The following MLXIPL variants were observed in gnomAD, a reference collection of about 807,000 sequenced individuals.
MLXIPL encodes MLX interacting protein like, also known as carbohydrate-responsive element-binding protein.
Under a neutral mutation model 81.5 loss-of-function variants are expected in MLXIPL, and 49 were observed. That is an observed-to-expected ratio of 0.60 (90% CI 0.48 to 0.76). The LOEUF (loss-of-function observed/expected upper bound fraction) is 0.76. MLXIPL is among the 30% of genes least tolerant of loss of function. The pLI is 0.00. For missense variants in MLXIPL, 1,053 were observed against 1,167.0 expected (o/e 0.90, Z 1.42); for synonymous variants, 466 against 485.5 (o/e 0.96, Z 0.53).
intron 14 of MLXIPL, 36 bp downstream of exon 14, chr7:73,595,806 C>G (rs1252315674): frequency 1.6e-5 from 26 of 1,583,472 alleles, no homozygotes; most frequent in Non-Finnish European, 2.1e-5. Context: ...GGCGGCATGG[C>G]CCCCTGGTCC....
chr7:73,642,421 G>C, the MLXIPL span, among the ~76,000 whole-genome samples: 1 of 151,944 alleles, frequency 6.6e-6, no homozygotes, highest in Non-Finnish European at 1.5e-5. Flanking sequence ...GTGCGATCTT[G>C]GCTCACTGTA....
At position 73,596,851 on chromosome 7, in the gene MLXIPL, G is replaced by A; in HGVS notation, c.1671+14C>T. 6.2e-7 allele frequency: 1 copy of A among 1,610,550 alleles called. No individual in the cohort carries two copies. The highest frequency in any genetic ancestry group is 1.1e-5 in the South Asian group (1 of 90,300). On this transcript the variant is annotated intron_variant, in intron 10 of 16. Coordinates refer to ENST00000313375, the MANE Select transcript of MLXIPL (RefSeq NM_032951.3). The surrounding 1 kb of genome is among the most constrained non-coding windows in gnomAD (Gnocchi z 4.7). ...CGTGGGCACAGCCCCACCGCCCAGT[G>A]CCCGAGATCTTACCGGGGACCCTGG...
intron 9 of MLXIPL, 80 bp from the exon 10 acceptor site, chr7:73,597,012 A>G (rs558735477): frequency 2.1e-5 from 32 of 1,529,360 alleles, no homozygotes; most frequent in Non-Finnish European, 2.8e-5. Context: ...GCCCCTCCCA[A>G]GAGTCCACAC....
At chr7:73,617,769 C>T (rs139124828) in intron 1 of MLXIPL, among the ~76,000 whole-genome samples, 6 of 151,986 alleles carry the variant, frequency 3.9e-5, no homozygotes, top group East Asian at 1.9e-4. Flanking sequence ...TTCTTCAGCC[C>T]GGGAGTTTGA....
the MLXIPL span, among the ~76,000 whole-genome samples, chr7:73,647,254 TC>T: frequency 6.6e-6 from 1 of 152,126 alleles, no homozygotes; most frequent in Non-Finnish European, 1.5e-5. Context: ...GGGGCCAGAA[TC>T]CACATACCCC....
At position 73,596,669 on chromosome 7, in the gene MLXIPL, C is replaced by T; in HGVS notation, c.1792G>A (p.Ala598Thr). ...GGCGCTGGGGGTGAGAGCCGCTCCG[C>T]TTTGGGGACAAGCAGGGGCCTGGAA... ...APSRPLLVPKAERLSPPAPSG... is the reference protein window; with the variant it reads ...APSRPLLVPKTERLSPPAPSG... Residue 598 changes from alanine to threonine, a missense_variant, in exon 11 of 17, where the codon GCG (alanine) becomes ACG (threonine). Ala to Thr is a moderately conservative substitution (Grantham distance 58, BLOSUM62 0). Transcript: ENST00000313375. The surrounding 1 kb of genome is among the most constrained non-coding windows in gnomAD (Gnocchi z 4.7). 6.3e-7 allele frequency: 1 copy of T among 1,590,706 alleles called. No homozygotes were observed. Among genetic ancestry groups the T allele is most frequent in the Non-Finnish European group, 8.6e-7 (1 of 1,168,474 alleles).
intron 2 of MLXIPL, among the ~76,000 whole-genome samples, chr7:73,613,378 C>T (rs1217983373): frequency 6.6e-6 from 1 of 152,132 alleles, no homozygotes; most frequent in Non-Finnish European, 1.5e-5. Flanking sequence ...GTGGGCAGAT[C>T]ACTTGTGGCC....
At chr7:73,629,199 C>T (rs142268858), upstream of MLXIPL, among the ~76,000 whole-genome samples, 430 of 152,122 alleles carry the variant, frequency 2.8e-3, 2 homozygotes, top group Middle Eastern at 6.8e-3. Context: ...TGCACCACCA[C>T]GCCTGGCTAA....
At position 73,621,961 on chromosome 7, in the gene MLXIPL, T is replaced by G. The variant is rs1215795952; in HGVS notation, c.293+2239A>C. Reference sequence around the variant, plus strand: ...CCCTCTCTCCATCTCCCTCCCTCCTTTATCTCCCTCCCTCCTTCCATCTCC... The same window carrying G: ...CCCTCTCTCCATCTCCCTCCCTCCTGTATCTCCCTCCCTCCTTCCATCTCC... On this transcript the variant is annotated intron_variant, in intron 1 of 16. Coordinates refer to ENST00000313375, the MANE Select transcript of MLXIPL (RefSeq NM_032951.3). 5.9e-5 allele frequency among the ~76,000 whole-genome samples: 5 copies of G among 85,022 alleles called. No individual in the cohort carries two copies. In the East Asian group the frequency reaches 1.2e-3, roughly 20 times the overall value. The allele number at this position is 85,022 out of a possible 152,430, so 55.8% of individuals were successfully genotyped here.
the MLXIPL span, among the ~76,000 whole-genome samples, chr7:73,642,425 C>T: frequency 1.3e-5 from 2 of 152,080 alleles, no homozygotes; most frequent in South Asian, 2.1e-4. Flanking sequence ...GATCTTGGCT[C>T]ACTGTAACCT....
chr7:73,642,414 C>T, the MLXIPL span, among the ~76,000 whole-genome samples: 8 of 152,174 alleles, frequency 5.3e-5, no homozygotes, highest in East Asian at 3.9e-4. Flanking sequence ...TGCAGTAGTG[C>T]GATCTTGGCT....
chr7:73,607,123 A>G, intron 4 of MLXIPL, 105 bp from the exon 5 acceptor site: 1 of 1,454,148 alleles, frequency 6.9e-7, no homozygotes, highest in Non-Finnish European at 9.5e-7. Context: ...CCCATTTCCC[A>G]TCAGGAGCTC....
chr7:73,632,743 TTTCC>T, the MLXIPL span, among the ~76,000 whole-genome samples: 18,210 of 133,428 alleles, frequency 0.14, 1,250 homozygotes, highest in Non-Finnish European at 0.15. Flanking sequence ...TCCTTCCTTC[TTTCC>T]TTCCTTCCTT....
intron 1 of MLXIPL, among the ~76,000 whole-genome samples, chr7:73,619,654 G>C (rs1480561472): frequency 6.7e-6 from 1 of 150,130 alleles, no homozygotes; most frequent in Non-Finnish European, 1.5e-5. Flanking sequence ...ATTCTGGTTG[G>C]GCGCAGTGGC....
chr7:73,608,287 C>T (rs1795459635), intron 2 of MLXIPL, among the ~76,000 whole-genome samples: 2 of 152,206 alleles, frequency 1.3e-5, no homozygotes, highest in South Asian at 4.1e-4. Context: ...GAGTGAGCTG[C>T]CTCCAGAAAG....
chr7:73,615,189 G>C (rs1158718130), intron 2 of MLXIPL, among the ~76,000 whole-genome samples: 2 of 152,170 alleles, frequency 1.3e-5, no homozygotes, highest in African/African-American at 4.8e-5. Context: ...CAGAGACGGG[G>C]TGGAGGAACT....
chr7:73,644,259 G>C, the MLXIPL span, among the ~76,000 whole-genome samples: 1 of 151,870 alleles, frequency 6.6e-6, no homozygotes, highest in Admixed American at 6.6e-5. Flanking sequence ...CCAGGCTGGA[G>C]TGAAGTGGCT....
chr7:73,605,903 C>T lies in MLXIPL; in HGVS notation c.820+7G>A, dbSNP rs527424077. ...CCCCTCTCCCCTGCCCTTTCTCAGACCCTCACCATCCTCAGGCGGCAGCTG... is the reference window on the plus strand; with the variant it reads ...CCCCTCTCCCCTGCCCTTTCTCAGATCCTCACCATCCTCAGGCGGCAGCTG... On this transcript the variant is annotated splice_region_variant and intron_variant, in intron 6 of 16. Transcript: ENST00000313375. 2.3e-5 allele frequency: 36 copies of T among 1,578,494 alleles called. No individual in the cohort carries two copies. Among genetic ancestry groups the T allele is most frequent in the African/African-American group, 2.1e-4 (16 of 74,454 alleles).
the MLXIPL span, among the ~76,000 whole-genome samples, chr7:73,637,924 C>T: frequency 6.6e-6 from 1 of 152,178 alleles, no homozygotes; most frequent in Non-Finnish European, 1.5e-5. Context: ...CCAGGCAAGT[C>T]CTCTGGGCTC....
Sources: allele counts gnomAD v4.1 joint callset (sites outside exome capture counted in the v4.1 genomes callset), GRCh38; gene constraint gnomAD v4.1.1; non-coding constraint Gnocchi (gnomAD v3.1); transcripts MANE v1.5; gene names NCBI Gene and HGNC (gene_info 2026-07-23, HGNC 2026-07-21).